Variants in CSMD1 observed in about 807,000 individuals in gnomAD.
CSMD1 encodes the protein CUB and Sushi multiple domains 1.
In CSMD1, 213 loss-of-function variants were observed where a neutral mutation model predicts 417.5. That is an observed-to-expected ratio of 0.51 (90% CI 0.46 to 0.57). The LOEUF (loss-of-function observed/expected upper bound fraction) is 0.57, where lower values mean the gene tolerates loss of function less well. Ranked by LOEUF, CSMD1 falls within the 20% of genes least tolerant of loss-of-function variation. CSMD1 has a pLI of 0.00. For synonymous variants in CSMD1, 2,862 were observed against 1,736.8 expected, an observed-to-expected ratio of 1.65 and a Z score of -16.11; for missense variants, 6,923 against 4,529.7, an observed-to-expected ratio of 1.53 and a Z score of -15.17.
chr8:3,893,145 A>C (rs977228241), intron 5 of CSMD1, among the ~76,000 whole-genome samples: 1 of 151,734 alleles, frequency 6.6e-6, no homozygotes, highest in Non-Finnish European at 1.5e-5. Flanking sequence ...AAAGGTAATC[A>C]AAGAGTCTTT....
At chr8:4,566,883 A>C (rs1798638949) in intron 2 of CSMD1, among the ~76,000 whole-genome samples, 1 of 152,210 alleles carries the variant, frequency 6.6e-6, no homozygotes, top group African/African-American at 2.4e-5. Context: ...GACTTGGCTG[A>C]ATGTTTTCCA....
intron 25 of CSMD1, among the ~76,000 whole-genome samples, chr8:3,291,970 A>G (rs544534872): frequency 1.3e-3 from 196 of 151,982 alleles, no homozygotes; most frequent in African/African-American, 4.4e-3. Context: ...ATTTAGTGCT[A>G]TAAATTTTCC....
At chr8:3,493,857 G>A (rs1796247052) in intron 10 of CSMD1, 131 bp from the exon 11 acceptor site, 6 of 600,682 alleles carry the variant, frequency 1.0e-5, no homozygotes, top group Non-Finnish European at 1.7e-5. Context: ...TCCCAGAGCT[G>A]CTTTAAGTAG....
intron 1 of CSMD1, among the ~76,000 whole-genome samples, chr8:4,683,240 A>C (rs1278523656): frequency 6.6e-6 from 1 of 152,092 alleles, no homozygotes; most frequent in Non-Finnish European, 1.5e-5. Flanking sequence ...TAATGATCTC[A>C]ATTTCCTTTT....
At chr8:4,130,162 C>G (rs899016735) in intron 3 of CSMD1, among the ~76,000 whole-genome samples, 3 of 152,086 alleles carry the variant, frequency 2.0e-5, no homozygotes, top group Non-Finnish European at 4.4e-5. Flanking sequence ...GAAAAAGACC[C>G]AACATCTTTT....
intron 1 of CSMD1, among the ~76,000 whole-genome samples, chr8:4,843,145 G>A (rs912637539): frequency 1.3e-5 from 2 of 152,220 alleles, no homozygotes; most frequent in South Asian, 4.2e-4. Context: ...ATGCCCAAGG[G>A]TACACTACCA....
chr8:3,282,263 A>G (rs1404728840), intron 26 of CSMD1, among the ~76,000 whole-genome samples: 1 of 152,100 alleles, frequency 6.6e-6, no homozygotes, highest in Non-Finnish European at 1.5e-5. Context: ...CAAATGGACC[A>G]CTCTGTGGGG....
rs181173851 is a variant in CSMD1, at chr8:4,641,299, C to T, written c.86-3741G>A. ...CATCTGTTACCGAAATAATAATATA[C>T]GAAACATCTGGCTCCTATCTAAAGT... On this transcript the variant is annotated intron_variant, in intron 1 of 69. Transcript: ENST00000635120. Among the ~76,000 whole-genome samples, 46 of 152,082 alleles carry T rather than the reference C, an allele frequency of 3.0e-4. 1 individual carries two copies. In the East Asian group the frequency reaches 5.3e-3, roughly 17 times the overall value.
chr8:3,594,128 C>A (rs977039524), intron 8 of CSMD1, among the ~76,000 whole-genome samples: 1 of 152,174 alleles, frequency 6.6e-6, no homozygotes, highest in African/African-American at 2.4e-5. Flanking sequence ...GCTCCTCACT[C>A]TTCACTCTTT....
At chr8:3,132,925 G>C (rs1007269018) in intron 41 of CSMD1, among the ~76,000 whole-genome samples, 2 of 152,200 alleles carry the variant, frequency 1.3e-5, no homozygotes, top group African/African-American at 4.8e-5. Context: ...AAATATCTAA[G>C]TGGGAAGACC....
intron 5 of CSMD1, among the ~76,000 whole-genome samples, chr8:3,837,586 G>A (rs1409986971): frequency 6.6e-6 from 1 of 152,164 alleles, no homozygotes; most frequent in Non-Finnish European, 1.5e-5. Context: ...TGACTGACAA[G>A]TAAGTTTAGA....
intron 1 of CSMD1, among the ~76,000 whole-genome samples, chr8:4,877,571 C>A (rs1158798151): frequency 6.6e-6 from 1 of 152,040 alleles, no homozygotes; most frequent in African/African-American, 2.4e-5. Context: ...GCCAGTTACC[C>A]ATGCCATTTA....
intron 5 of CSMD1, among the ~76,000 whole-genome samples, chr8:3,819,561 C>CATTT (rs3219854): frequency 6.7e-6 from 1 of 149,780 alleles, no homozygotes; most frequent in Admixed American, 6.7e-5. Context: ...CACACACACA[C>CATTT]GTATGTATAT....
rs887200098 is a variant in CSMD1 at position 4,629,186 on chromosome 8, C to T, written c.302+8156G>A. ...TGAATGCATATTTGTAGAATACATT[C>T]TTAGCTAGAATTTCTGAATGAAAAG... On this transcript the variant is annotated intron_variant, in intron 2 of 69. Transcript: ENST00000635120. Among the ~76,000 whole-genome samples, 97 of 152,214 alleles carry T rather than the reference C, an allele frequency of 6.4e-4. 1 individual carries two copies. Among genetic ancestry groups the T allele is most frequent in the Non-Finnish European group, 1.3e-3 (86 of 68,000 alleles).
At chr8:4,115,204 G>C (rs1802069605) in intron 3 of CSMD1, among the ~76,000 whole-genome samples, 3 of 152,246 alleles carry the variant, frequency 2.0e-5, no homozygotes, top group South Asian at 4.1e-4. Context: ...CTACCATCTT[G>C]GTAAGTCAGC....
At chr8:3,015,981 A>T (rs995648731) in intron 52 of CSMD1, among the ~76,000 whole-genome samples, 2 of 152,160 alleles carry the variant, frequency 1.3e-5, no homozygotes, top group Non-Finnish European at 2.9e-5. Context: ...TTTCACTTCT[A>T]GTTAACACAA....
chr8:3,800,081 C>T (rs777293125), intron 5 of CSMD1, among the ~76,000 whole-genome samples: 1 of 152,104 alleles, frequency 6.6e-6, no homozygotes, highest in Non-Finnish European at 1.5e-5. Flanking sequence ...GCAGTTGATG[C>T]TACAGGCTTT....
rs189406532 is a variant in CSMD1, at chr8:4,201,515, G to C, written c.416-169416C>G. On this transcript the variant is annotated intron_variant, in intron 3 of 69. Coordinates refer to ENST00000635120, the MANE Select transcript of CSMD1 (RefSeq NM_033225.6). ...ATAGCGCCACTGCCGTCCGGCCTAG[G>C]TAAGAGATCCAGACTCTGTCTCCAC... Among the ~76,000 whole-genome samples the C allele has an allele frequency of 3.6e-5, 4 of 111,362 alleles. No homozygotes were observed. The Admixed American group carries it at 5.4e-4, about 15-fold the overall frequency. The allele number at this position is 111,362 out of a possible 152,430, so 73.1% of individuals were successfully genotyped here.
chr8:3,798,264 T>C (rs895899016), intron 5 of CSMD1, among the ~76,000 whole-genome samples: 3 of 152,082 alleles, frequency 2.0e-5, no homozygotes, highest in African/African-American at 4.8e-5. Flanking sequence ...TACTTTTTAA[T>C]AATATCTTAT....
Sources: allele counts gnomAD v4.1 joint callset (sites outside exome capture counted in the v4.1 genomes callset), GRCh38; gene constraint gnomAD v4.1.1; transcripts MANE v1.5; gene names NCBI Gene and HGNC (gene_info 2026-07-23, HGNC 2026-07-21).